The following SLC24A2 variants were observed in gnomAD, a reference collection of about 807,000 sequenced individuals.
SLC24A2 encodes the protein sodium/potassium/calcium exchanger 2.
A neutral mutation model predicts 62.0 loss-of-function variants in SLC24A2; 36 were observed. That is an observed-to-expected ratio of 0.58 (90% confidence interval 0.44 to 0.77). The LOEUF is 0.77. Among genes scored for constraint, SLC24A2 ranks in the 30% least tolerant of loss-of-function variants. The pLI is 0.00. For missense variants in SLC24A2, 846 were observed against 817.9 expected (o/e 1.03, Z -0.42); for synonymous variants, 358 against 294.0 (o/e 1.22, Z -2.23).
the SLC24A2 span, among the ~76,000 whole-genome samples, chr9:19,946,119 C>A: frequency 6.6e-6 from 1 of 152,196 alleles, no homozygotes; most frequent in Non-Finnish European, 1.5e-5. Context: ...TTTTAACCCT[C>A]ATTGAATGGT....
At chr9:19,865,446 T>G in the SLC24A2 span, among the ~76,000 whole-genome samples, 1 of 152,154 alleles carries the variant, frequency 6.6e-6, no homozygotes, top group African/African-American at 2.4e-5. Flanking sequence ...AGTACTTGAC[T>G]TCAAATTATG....
At chr9:19,735,551 T>C (rs1311184271) in intron 2 of SLC24A2, among the ~76,000 whole-genome samples, 3 of 152,190 alleles carry the variant, frequency 2.0e-5, no homozygotes, top group Non-Finnish European at 2.9e-5. Context: ...TAAAGACACA[T>C]GCACATGTAT....
chr9:20,239,877 C>G, the SLC24A2 span, among the ~76,000 whole-genome samples: 19,469 of 143,976 alleles, frequency 0.14, 1,544 homozygotes, highest in African/African-American at 0.22. Flanking sequence ...TGCCTTCTGG[C>G]TTTTTTTTTT....
chr9:19,996,513 G>A, the SLC24A2 span, among the ~76,000 whole-genome samples: 44 of 152,214 alleles, frequency 2.9e-4, no homozygotes, highest in South Asian at 2.1e-4. Flanking sequence ...GCTGAGGTGC[G>A]TGGATCACCT....
chr9:20,080,876 A>T, the SLC24A2 span, among the ~76,000 whole-genome samples: 1 of 152,156 alleles, frequency 6.6e-6, no homozygotes, highest in South Asian at 2.1e-4. Flanking sequence ...CACATGAAAA[A>T]ATGCTCACCA....
chr9:19,588,008 T>A (rs1836426244), intron 5 of SLC24A2, among the ~76,000 whole-genome samples: 1 of 152,202 alleles, frequency 6.6e-6, no homozygotes, highest in East Asian at 1.9e-4. Context: ...ATAGCTGGTT[T>A]GGTCTTTCTA....
At chr9:20,255,141 G>A in the SLC24A2 span, among the ~76,000 whole-genome samples, 1 of 152,204 alleles carries the variant, frequency 6.6e-6, no homozygotes, top group Admixed American at 6.5e-5. Flanking sequence ...TGTGACCAAA[G>A]TTCAGGGTTT....
In SLC24A2 at chr9:19,511,732, T is replaced by C. The variant is rs1563919516; in HGVS notation, c.*4421A>G. The C allele has an allele frequency of 6.6e-6, 1 of 152,312 alleles. No homozygotes were observed. The highest frequency in any genetic ancestry group is 2.1e-4 in the South Asian group (1 of 4,824). 9.4% of individuals were successfully genotyped at this position (152,312 alleles called of 1,614,324 possible). A position where few individuals can be genotyped will look rare whatever the true frequency, so the allele number is the denominator to read the frequency against. ...GCATGCTTTCAGGAGACAGTAGTTT[T>C]CTCCAGAAATCACCCTGAGAACAGC... On this transcript the variant is annotated 3_prime_UTR_variant, in exon 11 of 11. Coordinates refer to ENST00000341998, the MANE Select transcript of SLC24A2 (RefSeq NM_020344.4).
chr9:19,576,817 C>T (rs2247818), intron 6 of SLC24A2, 107 bp downstream of exon 6: 626,341 of 812,782 alleles, frequency 0.77, 239,909 homozygotes, highest in South Asian at 0.83. Context: ...TGTGCTGCAG[C>T]GGTGTGTGTG....
At chr9:19,548,546 G>C (rs1055080949) in intron 8 of SLC24A2, among the ~76,000 whole-genome samples, 1 of 152,182 alleles carries the variant, frequency 6.6e-6, no homozygotes, top group Non-Finnish European at 1.5e-5. Flanking sequence ...TAGAATAAAG[G>C]CTGGCAAAAT....
At chr9:19,750,812 G>C (rs1365813754) in intron 2 of SLC24A2, among the ~76,000 whole-genome samples, 3 of 152,110 alleles carry the variant, frequency 2.0e-5, no homozygotes, top group Non-Finnish European at 4.4e-5. Flanking sequence ...CAAGCTACCG[G>C]CCAGGTGTCT....
chr9:19,647,066 G>GTGCACA (rs1818661145), intron 2 of SLC24A2, among the ~76,000 whole-genome samples: 1 of 25,386 alleles, frequency 3.9e-5, no homozygotes, highest in Non-Finnish European at 6.9e-5. Flanking sequence ...ACACACACGC[G>GTGCACA]CGCACACACA....
intron 2 of SLC24A2, among the ~76,000 whole-genome samples, chr9:19,684,826 C>T (rs972931002): frequency 3.3e-5 from 5 of 152,008 alleles, no homozygotes; most frequent in African/African-American, 9.7e-5. Context: ...TCCTGTTCAA[C>T]ATGGTACTAA....
intron 2 of SLC24A2, among the ~76,000 whole-genome samples, chr9:19,638,312 T>A (rs993273747): frequency 6.6e-6 from 1 of 152,232 alleles, no homozygotes; most frequent in Non-Finnish European, 1.5e-5. Flanking sequence ...CCTATTATAG[T>A]CAATGCACAC....
the SLC24A2 span, among the ~76,000 whole-genome samples, chr9:20,120,022 C>G: frequency 7.9e-5 from 12 of 152,200 alleles, no homozygotes; most frequent in Non-Finnish European, 1.8e-4. Context: ...TCAATCTGTT[C>G]CCCTGACTAC....
At chr9:20,081,685 T>C in the SLC24A2 span, among the ~76,000 whole-genome samples, 1 of 152,154 alleles carries the variant, frequency 6.6e-6, no homozygotes, top group Non-Finnish European at 1.5e-5. Context: ...TGTTACCTAA[T>C]TCTCTTCCAA....
the SLC24A2 span, among the ~76,000 whole-genome samples, chr9:20,137,743 A>T: frequency 6.6e-6 from 1 of 152,202 alleles, no homozygotes; most frequent in African/African-American, 2.4e-5. Context: ...AAACAGTAAC[A>T]ATATTTTTAA....
chr9:19,885,364 A>G, the SLC24A2 span, among the ~76,000 whole-genome samples: 1 of 152,192 alleles, frequency 6.6e-6, no homozygotes, highest in Admixed American at 6.5e-5. Context: ...GAGAAACACT[A>G]GATGTTCACA....
At chr9:20,022,183 T>C in the SLC24A2 span, among the ~76,000 whole-genome samples, 1 of 152,202 alleles carries the variant, frequency 6.6e-6, no homozygotes, top group African/African-American at 2.4e-5. Flanking sequence ...GGGTCTAAAA[T>C]GAAATGCATC....
Sources: allele counts gnomAD v4.1 joint callset (sites outside exome capture counted in the v4.1 genomes callset), GRCh38; gene constraint gnomAD v4.1.1; transcripts MANE v1.5; gene names NCBI Gene and HGNC (gene_info 2026-07-23, HGNC 2026-07-21).